BABAM2: variants seen among roughly 807,000 people sequenced by gnomAD.
The protein encoded by BABAM2 is BRISC and BRCA1-A complex member 2.
In BABAM2, 31 loss-of-function variants were observed where a neutral mutation model predicts 54.7. The ratio of observed to expected loss-of-function variants is 0.57; its 90% CI spans 0.43 to 0.77. The LOEUF is 0.77. Ranked by LOEUF, BABAM2 falls within the 30% of genes least tolerant of loss-of-function variation. The pLI is 0.00. For missense variants in BABAM2, 364 were observed against 455.8 expected, an observed-to-expected ratio of 0.80 and a Z score of 1.83; for synonymous variants, 167 against 162.9, an observed-to-expected ratio of 1.03 and a Z score of -0.19.
intron 10 of BABAM2, among the ~76,000 whole-genome samples, chr2:28,254,352 G>A (rs1472809003): frequency 6.6e-6 from 1 of 152,104 alleles, no homozygotes. Flanking sequence ...GGCCAGGCTG[G>A]TCTCGAACTC....
intron 7 of BABAM2, among the ~76,000 whole-genome samples, chr2:28,174,334 A>G (rs1674678128): frequency 1.3e-5 from 2 of 152,230 alleles, no homozygotes; most frequent in Non-Finnish European, 2.9e-5. Flanking sequence ...ATATATGTAT[A>G]TATATATAAA....
chr2:28,093,926 A>G (rs1666377744), intron 6 of BABAM2, among the ~76,000 whole-genome samples: 1 of 152,156 alleles, frequency 6.6e-6, no homozygotes, highest in African/African-American at 2.4e-5. Context: ...TGGGAGTACA[A>G]TAGTGTATAT....
intron 6 of BABAM2, among the ~76,000 whole-genome samples, chr2:28,079,490 C>G (rs1286085606): frequency 1.3e-5 from 2 of 152,110 alleles, no homozygotes; most frequent in Non-Finnish European, 2.9e-5. Context: ...TCTTTGCTTC[C>G]TTTATTAGTA....
intron 7 of BABAM2, among the ~76,000 whole-genome samples, chr2:28,202,132 A>T (rs1678342982): frequency 6.6e-6 from 1 of 152,238 alleles, no homozygotes; most frequent in Non-Finnish European, 1.5e-5. Context: ...GGAGTGTGAG[A>T]CCAGATGGAA....
At chr2:28,134,726 T>C (rs146366692) in intron 7 of BABAM2, 1 of 152,354 alleles carries the variant, frequency 6.6e-6, no homozygotes, top group African/African-American at 2.4e-5. Flanking sequence ...TATGCATGTT[T>C]GTTCTTTCAG....
intron 6 of BABAM2, among the ~76,000 whole-genome samples, chr2:28,063,433 T>C (rs1044282104): frequency 9.9e-5 from 15 of 152,200 alleles, no homozygotes; most frequent in Admixed American, 8.5e-4. Flanking sequence ...AAAATAAAAA[T>C]TGTTAATGAC....
At chr2:28,008,255 C>CT (rs1328792915) in intron 4 of BABAM2, among the ~76,000 whole-genome samples, 4 of 152,110 alleles carry the variant, frequency 2.6e-5, no homozygotes, top group African/African-American at 9.7e-5. Context: ...TTCAGCTATT[C>CT]TTTTGCTTAC....
intron 11 of BABAM2, chr2:28,308,918 T>G (rs2148273816): frequency 6.5e-6 from 1 of 153,840 alleles, no homozygotes; most frequent in East Asian, 1.9e-4. Flanking sequence ...TTATGATGGG[T>G]ATCACATGGG....
rs1011326327 is a variant in BABAM2, at chr2:28,329,674, A to G, written c.1089-8776A>G. ...GAATAGACCAATAACAAGTTCTGAA[A>G]TTGAGGCAGTAATAAATAGCCTACC... On this transcript the variant is annotated intron_variant, in intron 11 of 11. Coordinates refer to ENST00000379624, the MANE Select transcript of BABAM2 (RefSeq NM_199191.3). This position sits in a 1 kb window ranked among gnomAD's most constrained non-coding sequence, Gnocchi z 4.2. Among the ~76,000 whole-genome samples the G allele has an allele frequency of 3.3e-5, 5 of 152,238 alleles. No homozygotes were observed. The highest frequency in any genetic ancestry group is 1.2e-4 in the African/African-American group (5 of 41,452).
intron 5 of BABAM2, among the ~76,000 whole-genome samples, chr2:28,039,230 G>A (rs1303379265): frequency 6.6e-6 from 1 of 152,158 alleles, no homozygotes; most frequent in Non-Finnish European, 1.5e-5. Context: ...GTGACTCTTT[G>A]TTACTCTCTC....
intron 7 of BABAM2, among the ~76,000 whole-genome samples, chr2:28,198,512 A>C (rs1484235771): frequency 6.6e-6 from 1 of 152,122 alleles, no homozygotes; most frequent in Non-Finnish European, 1.5e-5. Context: ...CAATGATCAG[A>C]ACGGCCTGAA....
chr2:27,947,864 A>G (rs1210174017), intron 3 of BABAM2, among the ~76,000 whole-genome samples: 1 of 152,170 alleles, frequency 6.6e-6, no homozygotes, highest in African/African-American at 2.4e-5. Flanking sequence ...TCTCTTTTAA[A>G]TTGCCCTTGC....
intron 5 of BABAM2, among the ~76,000 whole-genome samples, chr2:28,039,959 C>CAA (rs70953900): frequency 2.7e-5 from 4 of 149,944 alleles, no homozygotes; most frequent in Admixed American, 1.3e-4. Flanking sequence ...CAAGGACTGA[C>CAA]AAAAAAAAAA....
intron 6 of BABAM2, among the ~76,000 whole-genome samples, chr2:28,054,146 G>A (rs572898181): frequency 1.3e-5 from 2 of 152,138 alleles, no homozygotes; most frequent in East Asian, 1.9e-4. Flanking sequence ...TCTAGATGAT[G>A]GAGGGGAGTG....
intron 7 of BABAM2, among the ~76,000 whole-genome samples, chr2:28,153,673 G>T (rs1011017050): frequency 6.6e-6 from 1 of 152,158 alleles, no homozygotes; most frequent in African/African-American, 2.4e-5. Context: ...TCAGCCTTGG[G>T]AACTTGTTAA....
At chr2:28,120,307 C>A (rs1254026206) in intron 6 of BABAM2, among the ~76,000 whole-genome samples, 1 of 152,164 alleles carries the variant, frequency 6.6e-6, no homozygotes, top group African/African-American at 2.4e-5. Flanking sequence ...TTGGGCCATA[C>A]AGTATTTAGA....
intron 6 of BABAM2, among the ~76,000 whole-genome samples, chr2:28,061,674 A>T (rs568932740): frequency 6.6e-6 from 1 of 151,984 alleles, no homozygotes; most frequent in South Asian, 2.1e-4. Flanking sequence ...ATATATATAT[A>T]TATTTCCATG....
intron 4 of BABAM2, among the ~76,000 whole-genome samples, chr2:28,001,507 A>G (rs1184661323): frequency 1.3e-5 from 2 of 152,202 alleles, no homozygotes; most frequent in African/African-American, 4.8e-5. Context: ...CAGTTATGCT[A>G]TAAGGCAGGA....
intron 5 of BABAM2, among the ~76,000 whole-genome samples, chr2:28,040,294 CTTTTTTTTT>C (rs397735161): frequency 5.0e-5 from 3 of 59,470 alleles, no homozygotes; most frequent in African/African-American, 6.7e-5. Context: ...AAACTGAATT[CTTTTTTTTT>C]TTTTTTTTTT....
Sources: gnomAD v4.1 joint callset for allele counts (sites outside exome capture counted in the v4.1 genomes callset) on GRCh38, gnomAD v4.1.1 for gene constraint, Gnocchi (gnomAD v3.1) non-coding constraint, MANE v1.5 for transcripts, NCBI Gene and HGNC (gene_info 2026-07-23, HGNC 2026-07-21) for gene names.